Variants in CHRM3 observed in about 807,000 individuals in gnomAD.
The protein encoded by CHRM3 is muscarinic acetylcholine receptor M3.
CHRM3 carries 11 observed loss-of-function variants against 41.8 expected under a neutral mutation model. The ratio of observed to expected loss-of-function variants is 0.26; its 90% CI spans 0.17 to 0.44. CHRM3 has a LOEUF of 0.44. CHRM3 is among the 20% of genes least tolerant of loss of function. CHRM3 has a pLI of 1.00. For synonymous variants in CHRM3, 297 were observed against 301.4 expected (o/e 0.99, Z 0.15); for missense variants, 571 against 745.4 (o/e 0.77, Z 2.72).
chr1:239,580,198 GC>G (rs1662735006), intron 3 of CHRM3, among the ~76,000 whole-genome samples: 1 of 149,878 alleles, frequency 6.7e-6, no homozygotes, highest in Non-Finnish European at 1.5e-5. Context: ...TTTCCCTCTT[GC>G]CCCCATATTT....
intron 1 of CHRM3, among the ~76,000 whole-genome samples, chr1:239,483,069 C>A (rs1009389302): frequency 6.6e-6 from 1 of 152,110 alleles, no homozygotes; most frequent in African/African-American, 2.4e-5. Flanking sequence ...GGTTTGGGTT[C>A]ATCACCATCT....
At chr1:239,831,408 C>T (rs1399735051) in intron 6 of CHRM3, among the ~76,000 whole-genome samples, 1 of 152,108 alleles carries the variant, frequency 6.6e-6, no homozygotes, top group Non-Finnish European at 1.5e-5. Flanking sequence ...TACCAATGCC[C>T]TCTTGATCGA....
intron 2 of CHRM3, among the ~76,000 whole-genome samples, chr1:239,517,047 T>A (rs549726482): frequency 1.3e-5 from 2 of 152,292 alleles, no homozygotes; most frequent in South Asian, 4.2e-4. Flanking sequence ...TCCTTCTATG[T>A]TATAATACAA....
In CHRM3 at chr1:239,908,848, G is replaced by A; in HGVS notation, c.1397G>A (p.Arg466Lys). The A allele has an allele frequency of 6.2e-7, 1 of 1,614,092 alleles. No homozygotes were observed. The highest frequency in any genetic ancestry group is 1.1e-5 in the South Asian group (1 of 91,078). The change falls in exon 7 of 7, where the codon AGG becomes AAG. Residue 466 changes from arginine to lysine, a missense_variant. This residue lies in a region of CHRM3 where 239 missense variants were observed against 239.6 expected (regional missense o/e 1.00). Coordinates refer to ENST00000676153, the MANE Select transcript of CHRM3 (RefSeq NM_001375978.1). The surrounding 1 kb of genome is among the most constrained non-coding windows in gnomAD (Gnocchi z 7.2). Reference sequence around the variant, plus strand: ...TTCAAGGAAGCCACTCTGGCCAAGAGGTTTGCTCTGAAGACCAGAAGTCAG... The same window carrying A: ...TTCAAGGAAGCCACTCTGGCCAAGAAGTTTGCTCTGAAGACCAGAAGTCAG... ...LSFKEATLAK[R>K]FALKTRSQIT...
intron 2 of CHRM3, among the ~76,000 whole-genome samples, chr1:239,495,497 G>A (rs1667822088): frequency 6.6e-6 from 1 of 152,108 alleles, no homozygotes; most frequent in Admixed American, 6.6e-5. Context: ...AAATGCTTCT[G>A]TTTACTTCTT....
intron 6 of CHRM3, among the ~76,000 whole-genome samples, chr1:239,891,468 G>A (rs1247811458): frequency 6.6e-6 from 1 of 152,144 alleles, no homozygotes; most frequent in Non-Finnish European, 1.5e-5. Flanking sequence ...GCACCTTGAG[G>A]ATGGCCATTC....
intron 5 of CHRM3, among the ~76,000 whole-genome samples, chr1:239,797,302 C>T (rs574565743): frequency 6.6e-5 from 10 of 151,898 alleles, no homozygotes; most frequent in African/African-American, 1.2e-4. Flanking sequence ...CTCAGCATCA[C>T]GCAATATATC....
intron 6 of CHRM3, among the ~76,000 whole-genome samples, chr1:239,872,049 A>G (rs560970872): frequency 2.6e-5 from 4 of 152,288 alleles, no homozygotes; most frequent in African/African-American, 9.6e-5. Flanking sequence ...GAAAGCTAAC[A>G]CACCTCACCC....
At chr1:239,444,829 G>A (rs1373342247) in intron 1 of CHRM3, among the ~76,000 whole-genome samples, 5 of 152,144 alleles carry the variant, frequency 3.3e-5, no homozygotes, top group African/African-American at 9.7e-5. Flanking sequence ...ACTAAGAGGT[G>A]GGATTAGAAA....
rs1661896233 is a variant in CHRM3, at chr1:239,420,814, A to G, written c.-521+33587A>G. Among the ~76,000 whole-genome samples the G allele has an allele frequency of 5.3e-5, 8 of 152,280 alleles. No homozygotes were observed. The South Asian group carries it at 1.7e-3, about 32-fold the overall frequency. On this transcript the variant is annotated intron_variant, in intron 1 of 6. Coordinates refer to ENST00000676153, the MANE Select transcript of CHRM3 (RefSeq NM_001375978.1). ...TATATTTTTATTTTTAAGGAAAGAA[A>G]AGAAAATGAAACTTCTATAAATATA...
At chr1:239,604,390 T>C (rs1236295389) in intron 3 of CHRM3, among the ~76,000 whole-genome samples, 1 of 152,122 alleles carries the variant, frequency 6.6e-6, no homozygotes, top group Non-Finnish European at 1.5e-5. Context: ...TTTATCTCCC[T>C]CTCTTATGCT....
intron 2 of CHRM3, among the ~76,000 whole-genome samples, chr1:239,532,743 T>A (rs992269769): frequency 6.6e-6 from 1 of 151,950 alleles, no homozygotes; most frequent in Non-Finnish European, 1.5e-5. Flanking sequence ...ATTAAGAATA[T>A]TGAAAAAAGA....
intron 5 of CHRM3, among the ~76,000 whole-genome samples, chr1:239,822,848 A>G (rs930358911): frequency 2.0e-5 from 3 of 152,220 alleles, no homozygotes; most frequent in African/African-American, 7.2e-5. Flanking sequence ...TTGCATCATT[A>G]CCCAAGTAAT....
intron 6 of CHRM3, among the ~76,000 whole-genome samples, chr1:239,895,352 T>C (rs13374839): frequency 0.14 from 21,836 of 152,106 alleles, 1,840 homozygotes; most frequent in African/African-American, 0.23. Context: ...GCCTCTGCAG[T>C]CTCCAGTCCT....
At chr1:239,772,442 T>C (rs472907) in intron 5 of CHRM3, among the ~76,000 whole-genome samples, 106,098 of 152,096 alleles carry the variant, frequency 0.7, 37,492 homozygotes, top group Non-Finnish European at 0.75. Context: ...TGAGCCACCA[T>C]GCCCAGCCTA....
intron 6 of CHRM3, among the ~76,000 whole-genome samples, chr1:239,870,599 T>C (rs1172639146): frequency 2.0e-5 from 3 of 152,192 alleles, no homozygotes; most frequent in East Asian, 3.9e-4. Context: ...TTGGGTATTT[T>C]CCCCCAAAAC....
intron 1 of CHRM3, among the ~76,000 whole-genome samples, chr1:239,467,947 A>G (rs1275954109): frequency 6.6e-6 from 1 of 151,856 alleles, no homozygotes; most frequent in African/African-American, 2.4e-5. Context: ...AAATGTAATC[A>G]TTTGTCTTCT....
intron 5 of CHRM3, among the ~76,000 whole-genome samples, chr1:239,766,926 G>T (rs1667273993): frequency 6.6e-6 from 1 of 152,094 alleles, no homozygotes; most frequent in South Asian, 2.1e-4. Flanking sequence ...TGGCCAGGCT[G>T]GTCTCGAACT....
chr1:239,829,379 T>G (rs1319652530), intron 6 of CHRM3, among the ~76,000 whole-genome samples: 2 of 151,864 alleles, frequency 1.3e-5, no homozygotes, highest in African/African-American at 4.8e-5. Context: ...AAGGCATTAG[T>G]TCAATTGACT....
Sources: allele counts gnomAD v4.1 joint callset (sites outside exome capture counted in the v4.1 genomes callset), GRCh38; gene constraint gnomAD v4.1.1; regional missense constraint gnomAD v4.1.1; non-coding constraint Gnocchi (gnomAD v3.1); transcripts MANE v1.5; gene names NCBI Gene and HGNC (gene_info 2026-07-23, HGNC 2026-07-21).